PLP1: variants seen among roughly 807,000 people sequenced by gnomAD.
PLP1 encodes the protein proteolipid protein 1, also known as myelin proteolipid protein.
PLP1 carries 2 observed loss-of-function variants against 18.5 expected under a neutral mutation model. That is an observed-to-expected ratio of 0.11 (90% CI 0.04 to 0.34). The LOEUF is 0.34. Ranked by LOEUF, PLP1 falls within the 10% of genes least tolerant of loss-of-function variation. PLP1 has a pLI of 1.00. For missense variants in PLP1, 105 were observed against 207.3 expected, an observed-to-expected ratio of 0.51 and a Z score of 3.03; for synonymous variants, 86 against 83.2, an observed-to-expected ratio of 1.03 and a Z score of -0.19.
intron 4 of PLP1, 46 bp from the exon 5 acceptor site, chrX:103,788,391 G>A (rs147929910): frequency 8.6e-5 from 84 of 980,064 alleles, no homozygotes; most frequent in African/African-American, 3.4e-4. Context: ...ATGTGGCCCC[G>A]TAACTCCATA....
chrX:103,778,712 C>A (rs1231407578), intron 1 of PLP1, among the ~76,000 whole-genome samples: 1 of 111,251 alleles, frequency 9.0e-6, no homozygotes, highest in Non-Finnish European at 1.9e-5. Context: ...GATACTTGGG[C>A]CAGGTACATA....
chrX:103,781,363 A>G, intron 1 of PLP1: 1 of 305,796 alleles, frequency 3.3e-6, no homozygotes. Flanking sequence ...AGCGCTGGTG[A>G]GAAGGGCTTA....
chrX:103,781,182 A>G (rs2074450732), intron 1 of PLP1: 2 of 242,778 alleles, frequency 8.2e-6, no homozygotes, highest in Non-Finnish European at 1.6e-5. Context: ...AATTTCCATC[A>G]TGGAGCTGGT....
At chrX:103,786,435 C>T in intron 2 of PLP1, 30 bp from the exon 3 acceptor site, 2 of 1,200,405 alleles carry the variant, frequency 1.7e-6, no homozygotes, top group Non-Finnish European at 2.3e-6. Flanking sequence ...ATAAGATTCC[C>T]TGGTCTCGTT....
rs73524191 is a variant in PLP1, at chrX:103,787,427, G to A, written c.454-371G>A. 0.011 allele frequency: 2,872 copies of A among 251,688 alleles called. 86 individuals carry two copies. Among genetic ancestry groups the A allele is most frequent in the African/African-American group, 0.075 (2,688 of 35,764 alleles). The allele number at this position is 251,688 out of a possible 1,213,427, so 20.7% of individuals were successfully genotyped here. A position where few individuals can be genotyped will look rare whatever the true frequency, so the allele number is the denominator to read the frequency against. On this transcript the variant is annotated intron_variant, in intron 3 of 6. Coordinates refer to ENST00000621218, the MANE Select transcript of PLP1 (RefSeq NM_000533.5). ...TGTTCAATGGCTAGGGAACAAAAAT[G>A]TTCCTATGGCAAGGAACATGTTCTA...
intron 6 of PLP1, 134 bp downstream of exon 6, chrX:103,789,532 G>C (rs2074526974): frequency 1.8e-6 from 1 of 558,790 alleles, no homozygotes; most frequent in Middle Eastern, 3.1e-4. Flanking sequence ...AGATAGCAAA[G>C]GGTGGAGGCT....
At chrX:103,777,636 T>A (rs1380745761) in intron 1 of PLP1, among the ~76,000 whole-genome samples, 3 of 112,070 alleles carry the variant, frequency 2.7e-5, no homozygotes, top group Non-Finnish European at 5.6e-5. Context: ...CTAGCAAATA[T>A]CACAGACACA....
chrX:103,777,069 TGGGGTTCG>T (rs2074416730), intron 1 of PLP1, 70 bp downstream of exon 1: 1 of 957,664 alleles, frequency 1.0e-6, no homozygotes, highest in Non-Finnish European at 1.5e-6. Flanking sequence ...TTTCCAACTT[TGGGGTTCG>T]GGGGTTCCAT....
rs1370474003 is a variant in PLP1 at position 103,788,933 on chromosome X, G to A, written c.697-400G>A. The A allele has an allele frequency of 1.1e-5, 3 of 277,000 alleles. No individual in the cohort carries two copies. In the East Asian group the frequency reaches 2.3e-4, roughly 21 times the overall value. The allele number at this position is 277,000 out of a possible 1,213,427, so 22.8% of individuals were successfully genotyped here. On this transcript the variant is annotated intron_variant, in intron 5 of 6. Coordinates refer to ENST00000621218, the MANE Select transcript of PLP1 (RefSeq NM_000533.5). Reference sequence around the variant, plus strand: ...AATGAGAGGTAAAATAAGTACATTTGAAAGGGAAAGCACTGTATTGAGAAC... The same window carrying A: ...AATGAGAGGTAAAATAAGTACATTTAAAAGGGAAAGCACTGTATTGAGAAC...
rs1451785682 is a variant in PLP1 at position 103,786,734 on chromosome X, T to C, written c.453+8T>C. The C allele has an allele frequency of 1.7e-6, 2 of 1,210,588 alleles. No homozygotes were observed. The highest frequency in any genetic ancestry group is 4.3e-5 in the Admixed American group (2 of 46,000). ...CTAGGACATCCCGACAAGGTGATCA[T>C]CCTCAGGATTTTGTGGCAATAACAA... On this transcript the variant is annotated splice_region_variant and intron_variant, in intron 3 of 6. Coordinates refer to ENST00000621218, the MANE Select transcript of PLP1 (RefSeq NM_000533.5).
chrX:103,781,177 C>T, intron 1 of PLP1: 3 of 245,574 alleles, frequency 1.2e-5, no homozygotes, highest in Non-Finnish European at 2.4e-5. Flanking sequence ...CACTGAATTT[C>T]CATCATGGAG....
In PLP1 at chrX:103,788,444, C is replaced by G; in HGVS notation, c.630C>G (p.Leu210=). ...LCADARMYGV[L]PWNAFPGKVC... is the part of the protein sequence containing the mutation. ...TTTTTGTGTCTTACTTAGGTGTTCT[C>G]CCATGGAATGCTTTCCCTGGCAAGG... The change falls in exon 5 of 7, where the codon CTC becomes CTG. Residue 210 remains leucine, a synonymous_variant. Coordinates refer to ENST00000621218, the MANE Select transcript of PLP1 (RefSeq NM_000533.5). 8.3e-7 allele frequency: 1 copy of G among 1,206,289 alleles called. No homozygotes were observed. Among genetic ancestry groups the G allele is most frequent in the Non-Finnish European group, 1.1e-6 (1 of 890,518 alleles).
chrX:103,780,439 C>CTGTGTG lies in PLP1; in HGVS notation c.4+3465_4+3470dup, dbSNP rs1211292879. 5.9e-5 allele frequency among the ~76,000 whole-genome samples: 6 copies of CTGTGTG among 102,515 alleles called. No individual in the cohort carries two copies. In the East Asian group the frequency reaches 9.8e-4, roughly 17 times the overall value. The allele number at this position is 102,515 out of a possible 115,157, so 89.0% of individuals were successfully genotyped here. On this transcript the variant is annotated intron_variant, in intron 1 of 6. Transcript: ENST00000621218. ...TGTACATCATTCATTCTGTCTCTCT[C>CTGTGTG]TGTGTGTGTGTGTGTGTGTGTGTGT...
In PLP1 at chrX:103,790,668, C is replaced by G; in HGVS notation, c.*70C>G. Reference sequence around the variant, plus strand: ...ACACAGCCTACAATGCTGCGTCTCCCATCTTAACTCTTTGCCTTTGCCACC... The same window carrying G: ...ACACAGCCTACAATGCTGCGTCTCCGATCTTAACTCTTTGCCTTTGCCACC... On this transcript the variant is annotated 3_prime_UTR_variant, in exon 7 of 7. Coordinates refer to ENST00000621218, the MANE Select transcript of PLP1 (RefSeq NM_000533.5). The G allele has an allele frequency of 1.3e-6, 1 of 792,276 alleles. No individual in the cohort carries two copies. The highest frequency in any genetic ancestry group is 2.0e-6 in the Non-Finnish European group (1 of 512,367). The allele number at this position is 792,276 out of a possible 1,213,427, so 65.3% of individuals were successfully genotyped here. A position where few individuals can be genotyped will look rare whatever the true frequency, so the allele number is the denominator to read the frequency against.
chrX:103,788,307 C>A (rs376327266), intron 4 of PLP1, 130 bp from the exon 5 acceptor site: 1 of 584,830 alleles, frequency 1.7e-6, no homozygotes, highest in Non-Finnish European at 3.1e-6. Context: ...AAAGAGGATC[C>A]TGATTGTTGG....
At chrX:103,786,280 C>T (rs1215060388) in intron 2 of PLP1, 185 bp from the exon 3 acceptor site, 3 of 1,088,154 alleles carry the variant, frequency 2.8e-6, no homozygotes, top group South Asian at 1.9e-5. Context: ...TCACATACAC[C>T]CTGTCTTCAC....
intron 1 of PLP1, among the ~76,000 whole-genome samples, chrX:103,780,468 T>TGTGTGTGTGC (rs780722962): frequency 1.0e-4 from 11 of 109,600 alleles, no homozygotes; most frequent in South Asian, 3.9e-4. Flanking sequence ...TGTGTGTGTG[T>TGTGTGTGTGC]GCGCGTCTGA....
chrX:103,787,737 TTGTG>T, intron 3 of PLP1, 57 bp from the exon 4 acceptor site: 1 of 994,010 alleles, frequency 1.0e-6, no homozygotes, highest in Admixed American at 2.2e-5. Flanking sequence ...ATCTCCCAGT[TTGTG>T]TTTCTACATC....
chrX:103,783,251 GAC>G (rs2147760172), intron 1 of PLP1, among the ~76,000 whole-genome samples: 1 of 112,353 alleles, frequency 8.9e-6, no homozygotes, highest in Admixed American at 9.3e-5. Flanking sequence ...CACACACACA[GAC>G]ACACCCATGG....
Sources: gnomAD v4.1 joint callset for allele counts (sites outside exome capture counted in the v4.1 genomes callset) on GRCh38, gnomAD v4.1.1 for gene constraint, MANE v1.5 for transcripts, NCBI Gene and HGNC (gene_info 2026-07-23, HGNC 2026-07-21) for gene names.